PIK3C3: variants seen among roughly 807,000 people sequenced by gnomAD.
PIK3C3 encodes PI3-kinase type 3.
PIK3C3 carries 95 observed loss-of-function variants against 126.1 expected under a neutral mutation model. The ratio of observed to expected loss-of-function variants is 0.75; its 90% CI spans 0.64 to 0.89. The LOEUF is 0.89. Ranked by LOEUF, PIK3C3 falls within the 40% of genes least tolerant of loss-of-function variation. PIK3C3 has a pLI of 0.00. For missense variants in PIK3C3, 829 were observed against 1,063.2 expected, an observed-to-expected ratio of 0.78 and a Z score of 3.06; for synonymous variants, 374 against 360.0, an observed-to-expected ratio of 1.04 and a Z score of -0.44.
chr18:42,004,263 T>C, intron 9 of PIK3C3, 93 bp from the exon 10 acceptor site: 1 of 882,298 alleles, frequency 1.1e-6, no homozygotes, highest in Non-Finnish European at 1.8e-6. Flanking sequence ...ACTCCGTGGC[T>C]CTGTCATTAG....
At chr18:42,060,263 G>T (rs367839123) in intron 22 of PIK3C3, among the ~76,000 whole-genome samples, 7 of 152,028 alleles carry the variant, frequency 4.6e-5, no homozygotes, top group African/African-American at 1.7e-4. Context: ...TCTTCACAAA[G>T]AATCCACTGA....
intron 10 of PIK3C3, 26 bp from the exon 11 acceptor site, chr18:42,013,416 T>A (rs753958504): frequency 1.4e-6 from 2 of 1,379,760 alleles, no homozygotes; most frequent in African/African-American, 3.0e-5. Flanking sequence ...TTTCCTAATA[T>A]TACTTTACTT....
chr18:42,040,510 T>G (rs1984262611), intron 18 of PIK3C3, among the ~76,000 whole-genome samples, 167 bp from the exon 19 acceptor site: 1 of 152,218 alleles, frequency 6.6e-6, no homozygotes, highest in Admixed American at 6.5e-5. Context: ...TTACAGGTCC[T>G]ATGACATAAA....
chr18:41,997,710 G>T (rs1300292581), intron 9 of PIK3C3, among the ~76,000 whole-genome samples: 1 of 152,098 alleles, frequency 6.6e-6, no homozygotes, highest in Non-Finnish European at 1.5e-5. Flanking sequence ...ATGTATTATT[G>T]TAACTGTTCT....
chr18:42,013,525 C>CA lies in PIK3C3; in HGVS notation c.1256dup (p.Lys420GlufsTer3). 1 of 1,598,748 alleles carries CA rather than the reference C, an allele frequency of 6.3e-7. No individual in the cohort carries two copies. On this transcript the variant is annotated frameshift_variant, in exon 11 of 25. Transcript: ENST00000262039. LOFTEE classifies it high-confidence loss of function. ...ATATAAAGAATGGATTGGAACCTAC[C>CA]AAGAAGGATAGTCAGAGTTCAGTGT...
In PIK3C3 at chr18:42,057,864, G is replaced by A; in HGVS notation, c.2264-19G>A. 6.2e-7 allele frequency: 1 copy of A among 1,612,214 alleles called. No individual in the cohort carries two copies. Among genetic ancestry groups the A allele is most frequent in the Non-Finnish European group, 8.5e-7 (1 of 1,178,978 alleles). On this transcript the variant is annotated intron_variant, in intron 21 of 24. Coordinates refer to ENST00000262039, the MANE Select transcript of PIK3C3 (RefSeq NM_002647.4). Reference sequence around the variant, plus strand: ...TTAAGATAATTCTGGAAACAAATGAGTTTCTTGTCAACATCCAGGCAAACT... The same window carrying A: ...TTAAGATAATTCTGGAAACAAATGAATTTCTTGTCAACATCCAGGCAAACT...
At chr18:41,959,626 C>T (rs1344457422) in intron 2 of PIK3C3, among the ~76,000 whole-genome samples, 2 of 151,818 alleles carry the variant, frequency 1.3e-5, no homozygotes, top group Admixed American at 6.6e-5. Flanking sequence ...GGTGAAACCC[C>T]CTATTAAAAA....
chr18:41,994,039 A>G (rs1461634915), intron 7 of PIK3C3, among the ~76,000 whole-genome samples: 1 of 152,120 alleles, frequency 6.6e-6, no homozygotes, highest in Non-Finnish European at 1.5e-5. Flanking sequence ...TTCTAATTTT[A>G]TACATTTCTA....
At chr18:42,022,843 T>C (rs933302284) in intron 13 of PIK3C3, among the ~76,000 whole-genome samples, 3 of 152,186 alleles carry the variant, frequency 2.0e-5, no homozygotes, top group Non-Finnish European at 2.9e-5. Flanking sequence ...AATTCTCATA[T>C]TGCCAAATTG....
At chr18:41,986,326 G>C (rs550961913) in intron 4 of PIK3C3, among the ~76,000 whole-genome samples, 4 of 152,032 alleles carry the variant, frequency 2.6e-5, no homozygotes, top group South Asian at 4.1e-4. Flanking sequence ...TACTTCGTTC[G>C]TACAAGCAAA....
intron 24 of PIK3C3, among the ~76,000 whole-genome samples, chr18:42,073,260 G>A (rs147573515): frequency 4.6e-5 from 7 of 152,316 alleles, no homozygotes; most frequent in Non-Finnish European, 1.0e-4. Context: ...AAAAGCACAC[G>A]TCTAGGCAGA....
chr18:42,003,844 C>G (rs1232863007), intron 9 of PIK3C3, among the ~76,000 whole-genome samples: 1 of 152,178 alleles, frequency 6.6e-6, no homozygotes, highest in Non-Finnish European at 1.5e-5. Context: ...CGTACATACT[C>G]CACATCGTTT....
chr18:42,067,773 G>A (rs1334212646), intron 24 of PIK3C3, among the ~76,000 whole-genome samples: 7 of 152,152 alleles, frequency 4.6e-5, no homozygotes, highest in Admixed American at 2.0e-4. Flanking sequence ...GTGATTATAC[G>A]TCCTCTTGAG....
chr18:41,959,096 G>A (rs1334476526), intron 2 of PIK3C3, among the ~76,000 whole-genome samples: 1 of 152,152 alleles, frequency 6.6e-6, no homozygotes, highest in East Asian at 1.9e-4. Context: ...TTTGTGTTTT[G>A]TGTACTTTTT....
chr18:42,057,291 A>G (rs1985113061), intron 21 of PIK3C3, among the ~76,000 whole-genome samples: 1 of 152,100 alleles, frequency 6.6e-6, no homozygotes, highest in Non-Finnish European at 1.5e-5. Context: ...CTTACTATAC[A>G]ATGAAAACAG....
intron 9 of PIK3C3, among the ~76,000 whole-genome samples, chr18:42,000,362 A>G (rs1982227409): frequency 6.6e-6 from 1 of 152,128 alleles, no homozygotes; most frequent in Admixed American, 6.6e-5. Context: ...AACAAGTGAT[A>G]TTTTAAGGAG....
chr18:41,970,290 A>G (rs1393279987), intron 3 of PIK3C3, 37 bp from the exon 4 acceptor site: 1 of 1,591,538 alleles, frequency 6.3e-7, no homozygotes, highest in Non-Finnish European at 8.6e-7. Context: ...GAACTGTATT[A>G]ATTTACTTCT....
intron 3 of PIK3C3, among the ~76,000 whole-genome samples, chr18:41,963,422 T>A (rs1192597622): frequency 6.6e-6 from 1 of 152,228 alleles, no homozygotes; most frequent in Non-Finnish European, 1.5e-5. Context: ...CTCTTTATAA[T>A]GCTCAAAAAA....
chr18:42,085,455 AT>A lies in PIK3C3; in HGVS notation c.*4322del, dbSNP rs1290209957. ...GTCAATGGTTATTTTAAACCACTTAATTTTGAGACTAGTATTTCATACAGAA... is the reference window on the plus strand; with the variant it reads ...GTCAATGGTTATTTTAAACCACTTAATTTGAGACTAGTATTTCATACAGAA... On this transcript the variant is annotated 3_prime_UTR_variant, in exon 25 of 25. Coordinates refer to ENST00000262039, the MANE Select transcript of PIK3C3 (RefSeq NM_002647.4). 1.3e-5 allele frequency: 2 copies of A among 152,212 alleles called. No individual in the cohort carries two copies. The highest frequency in any genetic ancestry group is 1.3e-4 in the Admixed American group (2 of 15,286). The allele number at this position is 152,212 out of a possible 1,614,324, so 9.4% of individuals were successfully genotyped here.
Sources: gnomAD v4.1 joint callset for allele counts (sites outside exome capture counted in the v4.1 genomes callset) on GRCh38, gnomAD v4.1.1 for gene constraint, MANE v1.5 for transcripts, NCBI Gene and HGNC (gene_info 2026-07-23, HGNC 2026-07-21) for gene names.